STK32B: variants seen among roughly 807,000 people sequenced by gnomAD.
The protein encoded by STK32B is serine/threonine-protein kinase 32B.
Under a neutral mutation model 52.6 loss-of-function variants are expected in STK32B, and 43 were observed. That is an observed-to-expected ratio of 0.82 (90% CI 0.64 to 1.05). The LOEUF is 1.05. STK32B is among the 50% of genes least tolerant of loss of function. STK32B has a pLI of 0.00. For synonymous variants in STK32B, 238 were observed against 204.3 expected, an observed-to-expected ratio of 1.17 and a Z score of -1.41; for missense variants, 621 against 534.6, an observed-to-expected ratio of 1.16 and a Z score of -1.59.
the STK32B span, among the ~76,000 whole-genome samples, chr4:5,022,694 G>A: frequency 6.6e-6 from 1 of 152,230 alleles, no homozygotes; most frequent in African/African-American, 2.4e-5. Context: ...ACGAGCAGGT[G>A]AACATCTCTG....
At chr4:5,185,569 G>A (rs1720679735) in intron 3 of STK32B, among the ~76,000 whole-genome samples, 3 of 152,200 alleles carry the variant, frequency 2.0e-5, no homozygotes, top group Admixed American at 2.0e-4. Flanking sequence ...GAGACTGGAA[G>A]GCATCAGGGA....
At chr4:5,170,180 A>G (rs1193063969) in intron 3 of STK32B, among the ~76,000 whole-genome samples, 4 of 152,146 alleles carry the variant, frequency 2.6e-5, no homozygotes, top group Non-Finnish European at 4.4e-5. Flanking sequence ...CTGAACCTGA[A>G]GTTTTTCAGG....
At chr4:5,196,063 G>T (rs1015218058) in intron 3 of STK32B, among the ~76,000 whole-genome samples, 5 of 152,178 alleles carry the variant, frequency 3.3e-5, no homozygotes. Context: ...GATTGACAGG[G>T]AGTAGGAAAG....
rs550535454 is a variant in STK32B, at chr4:5,276,969, T to G, written c.261-54251T>G. The stretch of plus-strand genomic sequence containing the variant: ...ATAAATACGTGTTTAATGCCATTCA[T>G]TTGGACTGGTTCCCACTGAAGATGA... On this transcript the variant is annotated intron_variant, in intron 3 of 11. Coordinates refer to ENST00000282908, the MANE Select transcript of STK32B (RefSeq NM_018401.3). 3.3e-5 allele frequency among the ~76,000 whole-genome samples: 5 copies of G among 152,334 alleles called. 1 individual carries two copies. The Middle Eastern group carries it at 0.017, about 518-fold the overall frequency.
chr4:5,198,438 TA>T (rs1721871405), intron 3 of STK32B, among the ~76,000 whole-genome samples: 1 of 152,172 alleles, frequency 6.6e-6, no homozygotes, highest in African/African-American at 2.4e-5. Context: ...CCAATAATAC[TA>T]ATAATTTTTT....
chr4:5,323,233 T>C (rs558404286), intron 3 of STK32B, among the ~76,000 whole-genome samples: 3 of 152,114 alleles, frequency 2.0e-5, no homozygotes, highest in Admixed American at 6.5e-5. Context: ...AACGGCTTGC[T>C]ACCTCTTGAG....
chr4:5,130,954 T>C (rs866040996), intron 1 of STK32B, among the ~76,000 whole-genome samples: 3 of 152,188 alleles, frequency 2.0e-5, no homozygotes, highest in Non-Finnish European at 2.9e-5. Flanking sequence ...TTTTCAAAAC[T>C]TTCCCTGATG....
intron 6 of STK32B, among the ~76,000 whole-genome samples, chr4:5,439,359 A>G (rs1171105970): frequency 2.6e-5 from 4 of 151,710 alleles, no homozygotes; most frequent in East Asian, 1.9e-4. Flanking sequence ...GCCAGTGATG[A>G]TGAGCATTTT....
In STK32B at chr4:5,467,583, T is replaced by A. The variant is rs1717544461; in HGVS notation, c.1042-423T>A. 6.6e-6 allele frequency among the ~76,000 whole-genome samples: 1 copy of A among 152,116 alleles called. No individual in the cohort carries two copies. The highest frequency in any genetic ancestry group is 1.5e-5 in the Non-Finnish European group (1 of 68,024). ...CAAATAACGTCATGTTTATAAGTAC[T>A]GGGGGGCTGGGACTCAAGATACCTT... On this transcript the variant is annotated intron_variant, in intron 10 of 11. Transcript: ENST00000282908. This position sits in a 1 kb window ranked among gnomAD's most constrained non-coding sequence, Gnocchi z 5.8.
chr4:5,129,109 C>G (rs2108819117), intron 1 of STK32B, among the ~76,000 whole-genome samples: 1 of 152,278 alleles, frequency 6.6e-6, no homozygotes, highest in African/African-American at 2.4e-5. Context: ...AGGCAAGAGA[C>G]TGATATTTAT....
At chr4:5,267,872 G>T (rs1246273419) in intron 3 of STK32B, among the ~76,000 whole-genome samples, 1 of 152,152 alleles carries the variant, frequency 6.6e-6, no homozygotes, top group Non-Finnish European at 1.5e-5. Flanking sequence ...ACCATCTCTG[G>T]AGGCTGCCCA....
Position 5,378,030 on chromosome 4 carries a change from AAG to A in STK32B, c.435-20176_435-20175del, listed in dbSNP as rs1386166986. On this transcript the variant is annotated intron_variant, in intron 4 of 11. Transcript: ENST00000282908. This position sits in a 1 kb window ranked among gnomAD's most constrained non-coding sequence, Gnocchi z 4.4. ...GATTCTACTCTCGCTTTGTATTAAA[AAG>A]GGTAGTGGGAATTAGCAAATGTTAC... 1.3e-5 allele frequency among the ~76,000 whole-genome samples: 2 copies of A among 152,210 alleles called. No homozygotes were observed. The highest frequency in any genetic ancestry group is 2.9e-5 in the Non-Finnish European group (2 of 68,028).
intron 1 of STK32B, among the ~76,000 whole-genome samples, chr4:5,134,063 A>G (rs1281191735): frequency 6.6e-6 from 1 of 152,152 alleles, no homozygotes; most frequent in Non-Finnish European, 1.5e-5. Context: ...GCTGCAGCCC[A>G]ATGACCCATA....
intron 1 of STK32B, among the ~76,000 whole-genome samples, chr4:5,074,511 T>A (rs1711966523): frequency 6.6e-6 from 1 of 152,040 alleles, no homozygotes; most frequent in African/African-American, 2.4e-5. Flanking sequence ...ATGGATGTTG[T>A]TTTCTTTACC....
At chr4:5,319,546 C>T (rs928093339) in intron 3 of STK32B, among the ~76,000 whole-genome samples, 1 of 146,536 alleles carries the variant, frequency 6.8e-6, no homozygotes, top group African/African-American at 2.7e-5. Flanking sequence ...TCTCCTCACT[C>T]CCATCTTACC....
chr4:5,481,245 T>C (rs1011334224), intron 11 of STK32B, among the ~76,000 whole-genome samples: 3 of 152,200 alleles, frequency 2.0e-5, no homozygotes, highest in Non-Finnish European at 4.4e-5. Context: ...CCAGCATCTG[T>C]TGTTTCCTGA....
rs1717580794 is a variant in STK32B, at chr4:5,468,077, C to T, written c.1106+7C>T. 1.2e-6 allele frequency: 2 copies of T among 1,613,806 alleles called. No homozygotes were observed. Among genetic ancestry groups the T allele is most frequent in the Non-Finnish European group, 1.7e-6 (2 of 1,179,694 alleles). ...TCATATTCAACAGAGAGAAGTAAGT[C>T]CTTCATACTGTCCCCCTTGGGCAAA... On this transcript the variant is annotated splice_region_variant and intron_variant, in intron 11 of 11. Coordinates refer to ENST00000282908, the MANE Select transcript of STK32B (RefSeq NM_018401.3).
intron 1 of STK32B, among the ~76,000 whole-genome samples, chr4:5,120,851 A>G (rs958987800): frequency 2.0e-5 from 3 of 151,418 alleles, no homozygotes; most frequent in African/African-American, 7.3e-5. Context: ...TATATATTAT[A>G]AAATAATATA....
At chr4:5,099,189 A>G (rs1309541900) in intron 1 of STK32B, among the ~76,000 whole-genome samples, 3 of 152,060 alleles carry the variant, frequency 2.0e-5, no homozygotes, top group Non-Finnish European at 4.4e-5. Context: ...ACACCCCATC[A>G]CGCTGACTCA....
Sources: allele counts gnomAD v4.1 joint callset (sites outside exome capture counted in the v4.1 genomes callset), GRCh38; gene constraint gnomAD v4.1.1; non-coding constraint Gnocchi (gnomAD v3.1); transcripts MANE v1.5; gene names NCBI Gene and HGNC (gene_info 2026-07-23, HGNC 2026-07-21).